Variants in AMT observed in about 807,000 individuals in gnomAD.
AMT encodes aminomethyltransferase, mitochondrial.
AMT carries 24 observed loss-of-function variants against 39.5 expected under a neutral mutation model. The observed-to-expected ratio is 0.61, with a 90% CI of 0.44 to 0.86. The LOEUF (loss-of-function observed/expected upper bound fraction) is 0.86, where lower values mean the gene tolerates loss of function less well. Ranked by LOEUF, AMT falls within the 40% of genes least tolerant of loss-of-function variation. AMT has a pLI of 0.00. For synonymous variants in AMT, 210 were observed against 212.1 expected, an observed-to-expected ratio of 0.99 and a Z score of 0.09; for missense variants, 501 against 537.0, an observed-to-expected ratio of 0.93 and a Z score of 0.66.
At chr3:49,418,869 G>T in intron 7 of AMT, 102 bp downstream of exon 7, 1 of 1,299,112 alleles carries the variant, frequency 7.7e-7, no homozygotes, top group South Asian at 1.2e-5. Flanking sequence ...GCTCAGGAAG[G>T]CTTCAGGCTA....
chr3:49,421,908 A>T, intron 2 of AMT, 196 bp downstream of exon 2: 1 of 805,890 alleles, frequency 1.2e-6, no homozygotes, highest in Non-Finnish European at 2.1e-6. Flanking sequence ...GGGGCAAGCT[A>T]GAAGGATGAG....
chr3:49,418,187 C>CTTT (rs71080510), intron 7 of AMT: 15 of 510,696 alleles, frequency 2.9e-5, no homozygotes, highest in East Asian at 3.4e-5. Context: ...TCTTCAGTTT[C>CTTT]TTTTTTTTTT....
chr3:49,420,001 G>A, intron 4 of AMT: 1 of 795,124 alleles, frequency 1.3e-6, no homozygotes, highest in East Asian at 2.7e-5. Context: ...CACACCAGAG[G>A]GGCCAAGACC....
In AMT at chr3:49,417,612, C is replaced by G. The variant is rs746645414; in HGVS notation, c.1140G>C (p.Val380=). 1.9e-6 allele frequency: 3 copies of G among 1,614,080 alleles called. No homozygotes were observed. The highest frequency in any genetic ancestry group is 2.5e-6 in the Non-Finnish European group (3 of 1,180,050). ...SRPGTMLLVE[V]RRKQQMAVVS... ...CTACAGCCATCTGCTGCTTCCGCCG[C>G]ACCTCTACCAGCAGCATTGTCCCTG... Residue 380 remains valine (V), a synonymous_variant, in exon 9 of 9, where the codon GTG becomes GTC. Coordinates refer to ENST00000273588, the MANE Select transcript of AMT (RefSeq NM_000481.4).
chr3:49,421,425 T>C (rs890292204), intron 3 of AMT, 67 bp downstream of exon 3: 7 of 1,295,336 alleles, frequency 5.4e-6, no homozygotes, highest in Admixed American at 1.7e-5. Context: ...AAGCCTGAGG[T>C]AGGGACTCAG....
rs758602446 is a variant in AMT, at chr3:49,419,251, T to C, written c.696+9A>G. On this transcript the variant is annotated intron_variant, in intron 6 of 8. Transcript: ENST00000273588. ...CCCTGTACTGCCCCCACACCACTTC[T>C]TGACACACCTCCACACCATCCTCTC... 3.8e-5 allele frequency: 62 copies of C among 1,613,914 alleles called. 1 individual carries two copies. The highest frequency in any genetic ancestry group is 8.5e-7 in the Non-Finnish European group (1 of 1,180,008).
intron 7 of AMT, chr3:49,418,174 G>A (rs1353664477): frequency 9.6e-6 from 6 of 627,936 alleles, no homozygotes; most frequent in African/African-American, 1.9e-5. Flanking sequence ...CACCTGCCGA[G>A]CGTCTTCAGT....
In AMT at chr3:49,422,168, T is replaced by C. The variant is rs376248724; in HGVS notation, c.194A>G (p.His65Arg). 9.9e-5 allele frequency: 160 copies of C among 1,613,820 alleles called. No individual in the cohort carries two copies. Among genetic ancestry groups the C allele is most frequent in the Non-Finnish European group, 1.2e-4 (144 of 1,180,032 alleles). The change falls in exon 2 of 9, where the codon CAC (histidine) becomes CGC (arginine). Residue 65 changes from histidine to arginine, a missense_variant. Transcript: ENST00000273588. ...WSLPVQYRDSHTDSHLHTRQH... is the reference protein window; with the variant it reads ...WSLPVQYRDSRTDSHLHTRQH... ...GCGTGTGTGCAGGTGCGAGTCAGTG[T>C]GACTGTCCCGGTACTGCACTGGCAG...
At position 49,419,778 on chromosome 3, in the gene AMT, C is replaced by G. The variant is rs2049067884; in HGVS notation, c.482G>C (p.Arg161Thr). ...ATCTCTGCCCTGGTTCTGAAGCTCC[C>G]TGACCTTGTCCTAAAAGACAGAAAC... ...KDLALMQDKVRELQNQGRDVG... is the reference protein window; with the variant it reads ...KDLALMQDKVTELQNQGRDVG... The change falls in exon 5 of 9, where the codon AGG becomes ACG. Residue 161 changes from arginine (R) to threonine (T), a missense_variant. Arg to Thr is a moderately conservative substitution (Grantham distance 71). Transcript: ENST00000273588. 1 of 1,614,000 alleles carries G rather than the reference C, an allele frequency of 6.2e-7. No homozygotes were observed. Among genetic ancestry groups the G allele is most frequent in the African/African-American group, 1.3e-5 (1 of 74,888 alleles).
At chr3:49,419,522 G>T in intron 5 of AMT, 117 bp from the exon 6 acceptor site, 1 of 1,523,186 alleles carries the variant, frequency 6.6e-7, no homozygotes, top group Non-Finnish European at 9.0e-7. Context: ...GCAAGTGGGA[G>T]AAGATGCCCT....
intron 3 of AMT, chr3:49,421,221 G>A: frequency 4.2e-6 from 2 of 477,248 alleles, no homozygotes; most frequent in Admixed American, 3.3e-5. Flanking sequence ...ACCACATGTT[G>A]AATAGAGAGG....
In AMT at chr3:49,417,510, TGGAA is replaced by T. The variant is rs2049018128; in HGVS notation, c.*26_*29del. 6.2e-7 allele frequency: 1 copy of T among 1,614,120 alleles called. No homozygotes were observed. The highest frequency in any genetic ancestry group is 8.5e-7 in the Non-Finnish European group (1 of 1,180,018). On this transcript the variant is annotated 3_prime_UTR_variant, in exon 9 of 9. Coordinates refer to ENST00000273588, the MANE Select transcript of AMT (RefSeq NM_000481.4). ...TAACCCCTTGTAGGGGCAAAACTCC[TGGAA>T]GGGACAGCCCCACCCTGAGCCAGCT... is the stretch of plus-strand genomic sequence containing the variant.
intron 2 of AMT, 28 bp downstream of exon 2, chr3:49,422,076 A>G (rs1424348675): frequency 1.9e-6 from 3 of 1,613,036 alleles, no homozygotes; most frequent in Non-Finnish European, 1.7e-6. Flanking sequence ...AGGCCTGATC[A>G]GATGGCCAGT....
chr3:49,419,782 C>T lies in AMT; in HGVS notation c.478G>A (p.Val160Ile). The T allele has an allele frequency of 1.2e-6, 2 of 1,614,126 alleles. No homozygotes were observed. The highest frequency in any genetic ancestry group is 1.7e-6 in the Non-Finnish European group (2 of 1,180,020). The change falls in exon 5 of 9, where the codon GTC becomes ATC. Residue 160 changes from valine to isoleucine, a missense_variant. Coordinates refer to ENST00000273588, the MANE Select transcript of AMT (RefSeq NM_000481.4). ...EKDLALMQDK[V>I]RELQNQGRDV... ...CTGCCCTGGTTCTGAAGCTCCCTGA[C>T]CTTGTCCTAAAAGACAGAAACACAA...
rs777473819 is a variant in AMT, at chr3:49,420,255, C to T, written c.427G>A (p.Val143Met). The T allele has an allele frequency of 2.5e-6, 4 of 1,614,200 alleles. No homozygotes were observed. Among genetic ancestry groups the T allele is most frequent in the Non-Finnish European group, 2.5e-6 (3 of 1,180,042 alleles). ...TTCTCCCAGCAGCCAGCGTTGGACACCACATACAGGTGGCCCTCAGAAGTA... is the reference window on the plus strand; with the variant it reads ...TTCTCCCAGCAGCCAGCGTTGGACATCACATACAGGTGGCCCTCAGAAGTA... ...TNTSEGHLYV[V>M]SNAGCWEKDL... Residue 143 changes from valine to methionine, a missense_variant, in exon 4 of 9, where the codon GTG (valine) becomes ATG (methionine). Val to Met is a conservative substitution (Grantham distance 21). Coordinates refer to ENST00000273588, the MANE Select transcript of AMT (RefSeq NM_000481.4).
chr3:49,420,266 TG>T lies in AMT; in HGVS notation c.415del (p.His139ThrfsTer42). 6.2e-7 allele frequency: 1 copy of T among 1,614,162 alleles called. No homozygotes were observed. ...DLIVTNTSEG[H>X]LYVVSNAGCW... ...GCCAGCGTTGGACACCACATACAGGTGGCCCTCAGAAGTATTGGTTACAATC... is the reference window on the plus strand; with the variant it reads ...GCCAGCGTTGGACACCACATACAGGTGCCCTCAGAAGTATTGGTTACAATC... On this transcript the variant is annotated frameshift_variant, in exon 4 of 9. Transcript: ENST00000273588. LOFTEE classifies it high-confidence loss of function.
rs914716059 is a variant in AMT, at chr3:49,422,397, G to A, written c.54C>T (p.Phe18=). 3.7e-6 allele frequency: 6 copies of A among 1,613,884 alleles called. No individual in the cohort carries two copies. The African/African-American group carries it at 4.0e-5, about 11-fold the overall frequency. ...TAAGTGGACGACACAAGGCCGGGGGGAATGCCTGCAGGCGAAAGCCCAGAC... is the reference window on the plus strand; with the variant it reads ...TAAGTGGACGACACAAGGCCGGGGGAAATGCCTGCAGGCGAAAGCCCAGAC... ...VARLGFRLQA[F]PPALCRPLSC... is the part of the protein sequence containing the mutation. The change falls in exon 1 of 9, where the codon TTC becomes TTT. Residue 18 remains phenylalanine, a synonymous_variant. Transcript: ENST00000273588.
intron 4 of AMT, 25 bp from the exon 5 acceptor site, chr3:49,419,813 T>C: frequency 6.2e-7 from 1 of 1,611,016 alleles, no homozygotes; most frequent in Non-Finnish European, 8.5e-7. Context: ...CACAAGAGCA[T>C]CTGGGGCCAC....
chr3:49,418,094 C>T, intron 7 of AMT, 121 bp from the exon 8 acceptor site: 1 of 1,303,386 alleles, frequency 7.7e-7, no homozygotes, highest in Non-Finnish European at 1.1e-6. Flanking sequence ...TGGGCTACTC[C>T]AGGCTCTATT....
Sources: gnomAD v4.1 joint callset for allele counts on GRCh38, gnomAD v4.1.1 for gene constraint, MANE v1.5 for transcripts, NCBI Gene and HGNC (gene_info 2026-07-23, HGNC 2026-07-21) for gene names.